Variants in DDC observed in about 807,000 individuals in gnomAD.
DDC encodes dopa decarboxylase.
DDC carries 43 observed loss-of-function variants against 60.0 expected under a neutral mutation model. That is an observed-to-expected ratio of 0.72 (90% CI 0.56 to 0.92). DDC has a LOEUF of 0.92. DDC is among the 40% of genes least tolerant of loss of function. The pLI is 0.00. For synonymous variants in DDC, 232 were observed against 234.6 expected (o/e 0.99, Z 0.10); for missense variants, 573 against 620.2 (o/e 0.92, Z 0.81).
At chr7:50,526,822 G>T (rs1267798040) in intron 6 of DDC, among the ~76,000 whole-genome samples, 1 of 152,130 alleles carries the variant, frequency 6.6e-6, no homozygotes, top group Non-Finnish European at 1.5e-5. Context: ...TGCAATTATA[G>T]CAATGTCAGA....
intron 9 of DDC, among the ~76,000 whole-genome samples, chr7:50,481,430 G>A (rs1480779048): frequency 1.3e-5 from 2 of 152,014 alleles, no homozygotes; most frequent in African/African-American, 2.4e-5. Context: ...TAAAAAGAGG[G>A]GACCAAGAGG....
chr7:50,551,269 C>T (rs1464322425), intron 1 of DDC, among the ~76,000 whole-genome samples: 1 of 145,310 alleles, frequency 6.9e-6, no homozygotes, highest in Non-Finnish European at 1.5e-5. Flanking sequence ...CTCACTCTGT[C>T]GCCTAGGCTG....
At chr7:50,506,255 T>G (rs1241316835) in intron 6 of DDC, among the ~76,000 whole-genome samples, 16 of 152,094 alleles carry the variant, frequency 1.1e-4, no homozygotes, top group Admixed American at 1.0e-3. Flanking sequence ...ACAGAGGAGA[T>G]GCTGGGGTAG....
Position 50,544,056 on chromosome 7 carries a change from C to A in DDC, c.30G>T (p.Gly10=), listed in dbSNP as rs1193590413. ...TGGCCATGTAATCCACCATCTCCTT[C>A]CCTCTCCTTCGGAATTCACTTGCGT... MNASEFRRR[G]KEMVDYMANY... is the part of the protein sequence containing the mutation. Residue 10 remains glycine, a synonymous_variant, in exon 2 of 15, where the codon GGG becomes GGT. Transcript: ENST00000444124. 3 of 1,614,134 alleles carry A rather than the reference C, an allele frequency of 1.9e-6. No individual in the cohort carries two copies. In the South Asian group the frequency reaches 3.3e-5, roughly 18 times the overall value.
At position 50,509,993 on chromosome 7, in the gene DDC, C is replaced by T. The variant is rs999584018; in HGVS notation, c.715-5934G>A. Among the ~76,000 whole-genome samples the T allele has an allele frequency of 8.7e-5, 13 of 150,026 alleles. No individual in the cohort carries two copies. In the South Asian group the frequency reaches 1.1e-3, roughly 12 times the overall value. On this transcript the variant is annotated intron_variant, in intron 6 of 14. Coordinates refer to ENST00000444124, the MANE Select transcript of DDC (RefSeq NM_001082971.2). Reference sequence around the variant, plus strand: ...CTTACGTATCTTTTTTTTTTTGAGACGGAGTCTCACTCTGCTGCCCAGGCT... The same window carrying T: ...CTTACGTATCTTTTTTTTTTTGAGATGGAGTCTCACTCTGCTGCCCAGGCT...
chr7:50,529,169 G>T, intron 5 of DDC, 39 bp downstream of exon 5: 1 of 1,611,996 alleles, frequency 6.2e-7, no homozygotes, highest in Non-Finnish European at 8.5e-7. Flanking sequence ...AAACATTCGG[G>T]TCTTGAAGTC....
At chr7:50,538,879 C>G (rs2044508391) in intron 3 of DDC, among the ~76,000 whole-genome samples, 1 of 152,308 alleles carries the variant, frequency 6.6e-6, no homozygotes, top group African/African-American at 2.4e-5. Flanking sequence ...CCAGCCCTGC[C>G]CAGCAGAGAG....
intron 6 of DDC, among the ~76,000 whole-genome samples, chr7:50,513,941 C>A (rs752166121): frequency 1.3e-5 from 2 of 152,084 alleles, no homozygotes; most frequent in Non-Finnish European, 2.9e-5. Context: ...TAGGGCCCTG[C>A]CCACCACTGG....
intron 6 of DDC, among the ~76,000 whole-genome samples, chr7:50,525,698 A>T (rs188289002): frequency 6.6e-6 from 1 of 152,266 alleles, no homozygotes; most frequent in East Asian, 1.9e-4. Context: ...TGGGAGGCAG[A>T]TGTTGCAGTG....
intron 9 of DDC, among the ~76,000 whole-genome samples, chr7:50,487,108 A>G (rs1035297191): frequency 2.0e-5 from 3 of 152,328 alleles, no homozygotes; most frequent in South Asian, 4.1e-4. Context: ...TGTTATGTCT[A>G]TATGTTCAGA....
chr7:50,479,066 C>T (rs10899734), intron 10 of DDC, among the ~76,000 whole-genome samples: 83,838 of 152,060 alleles, frequency 0.55, 23,314 homozygotes, highest in Admixed American at 0.62. Flanking sequence ...TCTAGTTCAA[C>T]GCCTACCATT....
rs1159018443 is a variant in DDC at position 50,478,298 on chromosome 7, C to G, written c.1021+1489G>C. On this transcript the variant is annotated intron_variant, in intron 10 of 14. Transcript: ENST00000444124. ...CACCTTTTTAGTTTCTATTACCGCA[C>G]CATCTGATACGGTAGCTAGTAGCCA... 3.3e-5 allele frequency among the ~76,000 whole-genome samples: 5 copies of G among 152,202 alleles called. No individual in the cohort carries two copies. In the East Asian group the frequency reaches 7.7e-4, roughly 24 times the overall value.
intron 6 of DDC, among the ~76,000 whole-genome samples, chr7:50,506,142 C>G (rs1268194408): frequency 6.6e-6 from 1 of 152,108 alleles, no homozygotes; most frequent in Admixed American, 6.5e-5. Context: ...CGCATTTGGT[C>G]TGCTCCAGGT....
At chr7:50,478,111 G>A (rs550575276) in intron 10 of DDC, among the ~76,000 whole-genome samples, 1 of 152,234 alleles carries the variant, frequency 6.6e-6, no homozygotes, top group East Asian at 1.9e-4. Context: ...TACTTGGAAG[G>A]CTGAAGTGGG....
rs879509464 is a variant in DDC, at chr7:50,550,601, C to G, written c.-28-6488G>C. On this transcript the variant is annotated intron_variant, in intron 1 of 14. Coordinates refer to ENST00000444124, the MANE Select transcript of DDC (RefSeq NM_001082971.2). ...CTTGGTTTTATACATTTTAGGGAGA[C>G]AGGAGACATCAATCAATTTGAAAGA... 2.8e-4 allele frequency among the ~76,000 whole-genome samples: 43 copies of G among 152,212 alleles called. 1 individual carries two copies. The highest frequency in any genetic ancestry group is 9.4e-4 in the African/African-American group (39 of 41,454).
intron 14 of DDC, among the ~76,000 whole-genome samples, chr7:50,459,930 G>C (rs1432456617): frequency 7.0e-6 from 1 of 143,408 alleles, no homozygotes; most frequent in African/African-American, 2.7e-5. Flanking sequence ...GGAGGGAGGT[G>C]GGGGGGTCAG....
chr7:50,479,932 C>T, intron 9 of DDC, 69 bp from the exon 10 acceptor site: 2 of 1,275,402 alleles, frequency 1.6e-6, no homozygotes, highest in South Asian at 1.2e-5. Flanking sequence ...CTCCCCTCTC[C>T]CCACCTGCCT....
intron 6 of DDC, among the ~76,000 whole-genome samples, chr7:50,508,733 C>A (rs1051358570): frequency 1.3e-4 from 20 of 152,200 alleles, no homozygotes; most frequent in Admixed American, 1.2e-3. Flanking sequence ...CGCATATAGT[C>A]ATTATGCACA....
At chr7:50,531,837 T>A (rs1344674982) in intron 4 of DDC, 1 of 152,008 alleles carries the variant, frequency 6.6e-6, no homozygotes, top group Non-Finnish European at 1.5e-5. Context: ...GATGGCTCTG[T>A]GCGATAGCAG....
Sources: allele counts gnomAD v4.1 joint callset (sites outside exome capture counted in the v4.1 genomes callset), GRCh38; gene constraint gnomAD v4.1.1; transcripts MANE v1.5; gene names NCBI Gene and HGNC (gene_info 2026-07-23, HGNC 2026-07-21).